Variants in GPBP1 observed in about 807,000 individuals in gnomAD.
GPBP1 encodes vasculin.
GPBP1 carries 13 observed loss-of-function variants against 56.5 expected under a neutral mutation model. That is an observed-to-expected ratio of 0.23 (90% CI 0.15 to 0.37). The LOEUF is 0.37. GPBP1 is among the 10% of genes least tolerant of loss of function. GPBP1 has a pLI of 1.00. For missense variants in GPBP1, 477 were observed against 572.3 expected (o/e 0.83, Z 1.70); for synonymous variants, 204 against 188.9 (o/e 1.08, Z -0.66).
chr5:57,178,333 C>T (rs1013174147), intron 2 of GPBP1, among the ~76,000 whole-genome samples: 2 of 152,140 alleles, frequency 1.3e-5, no homozygotes, highest in Non-Finnish European at 2.9e-5. Context: ...CTGCAACCTC[C>T]GCCTCCTGGG....
At position 57,175,413 on chromosome 5, in the gene GPBP1, A is replaced by G. The variant is rs1579959433; in HGVS notation, c.-1010-35A>G. The G allele has an allele frequency of 2.8e-5, 11 of 398,400 alleles. No individual in the cohort carries two copies. In the East Asian group the frequency reaches 3.9e-4, roughly 14 times the overall value. 24.7% of individuals were successfully genotyped at this position (398,400 alleles called of 1,614,324 possible). On this transcript the variant is annotated intron_variant, in intron 1 of 11. Coordinates refer to ENST00000506184, the MANE Select transcript of GPBP1 (RefSeq NM_022913.4). ...ATTGATTTTTTTAGCTCAAAATCAA[A>G]ACTCAGTATATAATTTTTTTTATAA...
intron 2 of GPBP1, among the ~76,000 whole-genome samples, chr5:57,180,286 T>C (rs1753983626): frequency 6.6e-6 from 1 of 152,068 alleles, no homozygotes. Flanking sequence ...AGCTAATTTT[T>C]TGTATTTTTT....
intron 9 of GPBP1, among the ~76,000 whole-genome samples, chr5:57,250,195 G>T (rs945465901): frequency 2.2e-4 from 33 of 151,304 alleles, no homozygotes; most frequent in African/African-American, 7.5e-4. Context: ...GTAGAGACGG[G>T]GTTTCACCAC....
intron 2 of GPBP1, among the ~76,000 whole-genome samples, chr5:57,189,563 T>TC (rs1754431043): frequency 6.8e-6 from 1 of 147,162 alleles, no homozygotes; most frequent in Admixed American, 6.9e-5. Flanking sequence ...CAGCCCACTT[T>TC]TTTTCACTTG....
chr5:57,237,368 C>T (rs1740572633), intron 6 of GPBP1: 1 of 533,088 alleles, frequency 1.9e-6, no homozygotes, highest in African/African-American at 1.9e-5. Flanking sequence ...TGGTACTGAT[C>T]CTGGGTTGAT....
chr5:57,242,065 C>G (rs1422327918), intron 6 of GPBP1, among the ~76,000 whole-genome samples: 4 of 152,162 alleles, frequency 2.6e-5, no homozygotes, highest in Non-Finnish European at 5.9e-5. Flanking sequence ...ACTTCTTTTT[C>G]TTAAATGAGC....
At chr5:57,235,869 C>A in intron 5 of GPBP1, 97 bp from the exon 6 acceptor site, 1 of 864,974 alleles carries the variant, frequency 1.2e-6, no homozygotes, top group South Asian at 1.4e-5. Context: ...AAGAGTTGGT[C>A]ATATTTGATT....
In GPBP1 at chr5:57,231,242, A is replaced by C. The variant is rs765512743; in HGVS notation, c.332A>C (p.His111Pro). 3 of 1,614,196 alleles carry C rather than the reference A, an allele frequency of 1.9e-6. No individual in the cohort carries two copies. Among genetic ancestry groups the C allele is most frequent in the Non-Finnish European group, 2.5e-6 (3 of 1,180,010 alleles). ...IFHAGKSQGL[H>P]ENNIPDNETG... ...CATGCAGGAAAAAGCCAAGGACTAC[A>C]TGAAAACAACATACCTGACAATGAA... The change falls in exon 5 of 12, where the codon CAT becomes CCT. Residue 111 changes from histidine (H) to proline (P), a missense_variant. Transcript: ENST00000506184.
At chr5:57,225,633 G>C (rs1043407883) in intron 3 of GPBP1, among the ~76,000 whole-genome samples, 1 of 152,128 alleles carries the variant, frequency 6.6e-6, no homozygotes, top group Non-Finnish European at 1.5e-5. Flanking sequence ...TGTGGAGGGA[G>C]AGCAGACAAC....
intron 11 of GPBP1, 92 bp from the exon 12 acceptor site, chr5:57,262,502 G>C (rs1277278177): frequency 2.0e-6 from 2 of 989,764 alleles, no homozygotes; most frequent in African/African-American, 3.3e-5. Flanking sequence ...TTTTGGGTTA[G>C]GATACAATTT....
At chr5:57,213,869 TCA>T (rs1421117035) in intron 2 of GPBP1, among the ~76,000 whole-genome samples, 3 of 152,226 alleles carry the variant, frequency 2.0e-5, no homozygotes, top group Non-Finnish European at 4.4e-5. Flanking sequence ...AAGATAATAC[TCA>T]GTTACCCAGA....
At chr5:57,193,636 A>AAC (rs1754624693) in intron 2 of GPBP1, among the ~76,000 whole-genome samples, 2 of 149,914 alleles carry the variant, frequency 1.3e-5, no homozygotes, top group African/African-American at 4.9e-5. Flanking sequence ...AAAAAAAAAA[A>AAC]CTATGAAAAG....
intron 5 of GPBP1, among the ~76,000 whole-genome samples, chr5:57,233,367 C>G (rs4367255): frequency 0.21 from 31,321 of 151,790 alleles, 4,003 homozygotes; most frequent in Middle Eastern, 0.3. Flanking sequence ...TCTGTTTTTT[C>G]CACTTAATAA....
intron 11 of GPBP1, 104 bp downstream of exon 11, chr5:57,261,386 G>C (rs113184312): frequency 1.5e-6 from 1 of 680,044 alleles, no homozygotes; most frequent in East Asian, 2.7e-5. Context: ...AATTTATCAC[G>C]ATAGGTCAGA....
chr5:57,214,038 G>A (rs1190345655), intron 2 of GPBP1, 36 bp from the exon 3 acceptor site: 2 of 966,006 alleles, frequency 2.1e-6, no homozygotes, highest in African/African-American at 3.3e-5. Context: ...TTGGCCAGGA[G>A]CTGCAGGTCT....
rs563229461 is a variant in GPBP1, at chr5:57,239,371, A to G, written c.478+3339A>G. Among the ~76,000 whole-genome samples, 4 of 152,356 alleles carry G rather than the reference A, an allele frequency of 2.6e-5. No homozygotes were observed. In the South Asian group the frequency reaches 8.3e-4, roughly 32 times the overall value. ...ATGAATAACGTTGAGAGCCCCCGTTAAAGGGGGAAAGTACCATATCGATTG... is the reference window on the plus strand; with the variant it reads ...ATGAATAACGTTGAGAGCCCCCGTTGAAGGGGGAAAGTACCATATCGATTG... On this transcript the variant is annotated intron_variant, in intron 6 of 11. Coordinates refer to ENST00000506184, the MANE Select transcript of GPBP1 (RefSeq NM_022913.4).
intron 3 of GPBP1, 71 bp downstream of exon 3, chr5:57,214,264 A>G (rs1027002992): frequency 4.8e-6 from 6 of 1,243,854 alleles, no homozygotes; most frequent in African/African-American, 1.5e-5. Flanking sequence ...TAATTAAGTC[A>G]TGGAGGAGTA....
rs1207050772 is a variant in GPBP1 at position 57,216,904 on chromosome 5, C to G, written c.63+2711C>G. Among the ~76,000 whole-genome samples the G allele has an allele frequency of 7.3e-5, 11 of 151,460 alleles. 1 individual carries two copies. On this transcript the variant is annotated intron_variant, in intron 3 of 11. Coordinates refer to ENST00000506184, the MANE Select transcript of GPBP1 (RefSeq NM_022913.4). ...TCATATAAATAAGACTCGAATGGCTCATGACTACAATTTCAGGAATGTGAA... is the reference window on the plus strand; with the variant it reads ...TCATATAAATAAGACTCGAATGGCTGATGACTACAATTTCAGGAATGTGAA...
chr5:57,193,135 G>A (rs1459319992), intron 2 of GPBP1, among the ~76,000 whole-genome samples: 1 of 152,082 alleles, frequency 6.6e-6, no homozygotes, highest in Non-Finnish European at 1.5e-5. Context: ...TGGCCAACAT[G>A]GTGAAACCCT....
Sources: gnomAD v4.1 joint callset for allele counts (sites outside exome capture counted in the v4.1 genomes callset) on GRCh38, gnomAD v4.1.1 for gene constraint, MANE v1.5 for transcripts, NCBI Gene and HGNC (gene_info 2026-07-23, HGNC 2026-07-21) for gene names.